The following SCARB1 variants were observed in gnomAD, a reference collection of about 807,000 sequenced individuals.
SCARB1 encodes the protein scavenger receptor class B member 1, also known as CD36 and LIMPII analogous 1.
A neutral mutation model predicts 57.2 loss-of-function variants in SCARB1; 30 were observed. That is an observed-to-expected ratio of 0.52 (90% confidence interval 0.39 to 0.71). The LOEUF is 0.71. SCARB1 is among the 30% of genes least tolerant of loss of function. The pLI, the probability that SCARB1 is intolerant of heterozygous loss-of-function variation, is 0.00. For missense variants in SCARB1, 543 were observed against 671.2 expected, an observed-to-expected ratio of 0.81 and a Z score of 2.11; for synonymous variants, 249 against 268.3, an observed-to-expected ratio of 0.93 and a Z score of 0.70.
rs770332559 is a variant in SCARB1 at position 124,814,404 on chromosome 12, C to T, written c.428G>A (p.Gly143Asp). The change falls in exon 4 of 13, where the codon GGT (glycine) becomes GAT (aspartate). Residue 143 changes from glycine to aspartate, a missense_variant and splice_region_variant. By Grantham distance (94) the Gly-to-Asp change is moderately conservative. Coordinates refer to ENST00000261693, the MANE Select transcript of SCARB1 (RefSeq NM_005505.5). The surrounding 1 kb of genome is among the most constrained non-coding windows in gnomAD (Gnocchi z 4.7). ...YIVMPNILVL[G>D]AAVMMENKPM... ...CTTATTCTCCATCATCACCGCCGCA[C>T]CCTGCAAGGCGAAGGGACACTAGTG... 4.3e-6 allele frequency: 7 copies of T among 1,613,122 alleles called. No homozygotes were observed. Among genetic ancestry groups the T allele is most frequent in the Non-Finnish European group, 5.9e-6 (7 of 1,180,016 alleles).
intron 1 of SCARB1, chr12:124,821,438 C>G: frequency 1.0e-6 from 1 of 985,226 alleles, no homozygotes; most frequent in Non-Finnish European, 1.2e-6. Context: ...CAGGGCTAAA[C>G]CAAGAAGTCA....
chr12:124,843,293 G>GGT (rs1555265354), intron 1 of SCARB1, among the ~76,000 whole-genome samples: 1 of 120,920 alleles, frequency 8.3e-6, no homozygotes, highest in African/African-American at 2.7e-5. Context: ...GTGGAGATGG[G>GGT]GGGGGGGGTC....
At chr12:124,845,596 T>C (rs1024663954) in intron 1 of SCARB1, among the ~76,000 whole-genome samples, 2 of 147,412 alleles carry the variant, frequency 1.4e-5, no homozygotes, top group African/African-American at 2.5e-5. Flanking sequence ...TCCCAGCTAC[T>C]GGGGAGGCTG....
At position 124,863,577 on chromosome 12, in the gene SCARB1, G is replaced by A. The variant is rs1290026558; in HGVS notation, c.126+18C>T. 5 of 1,599,878 alleles carry A rather than the reference G, an allele frequency of 3.1e-6. No homozygotes were observed. The highest frequency in any genetic ancestry group is 3.4e-6 in the Non-Finnish European group (4 of 1,173,386). On this transcript the variant is annotated intron_variant, in intron 1 of 12. Transcript: ENST00000261693. ...GCCCGGGTCCGTGCGCGGACCCCCT[G>A]GGGTCTCCCTCACCCACCTTAAGGA...
intron 2 of SCARB1, among the ~76,000 whole-genome samples, chr12:124,815,966 C>T (rs1357605337): frequency 6.6e-6 from 1 of 152,192 alleles, no homozygotes; most frequent in African/African-American, 2.4e-5. Context: ...AGGCCCTCAG[C>T]AAGGCTCAGG....
chr12:124,782,531 G>T, intron 12 of SCARB1, 152 bp downstream of exon 12: 1 of 804,100 alleles, frequency 1.2e-6, no homozygotes, highest in Non-Finnish European at 2.0e-6. Context: ...TTCTCCAAAA[G>T]CAAAATACAC....
chr12:124,808,070 C>T (rs1594256335), intron 6 of SCARB1, 143 bp from the exon 7 acceptor site: 2 of 778,876 alleles, frequency 2.6e-6, no homozygotes, highest in Non-Finnish European at 2.2e-6. Flanking sequence ...CTCTCACCCG[C>T]GGAGCTGCAG....
At chr12:124,790,008 T>TGAAAAAAAAAAA (rs1949666241) in intron 9 of SCARB1, among the ~76,000 whole-genome samples, 1 of 102,372 alleles carries the variant, frequency 9.8e-6, no homozygotes, top group African/African-American at 7.2e-5. Flanking sequence ...AGACTCCGTC[T>TGAAAAAAAAAAA]CAAAAAAAAA....
At chr12:124,861,437 G>A (rs1324250623) in intron 1 of SCARB1, among the ~76,000 whole-genome samples, 3 of 151,890 alleles carry the variant, frequency 2.0e-5, no homozygotes, top group Non-Finnish European at 4.4e-5. Flanking sequence ...GACACAGAGG[G>A]CCAACTGTAG....
intron 1 of SCARB1, chr12:124,821,564 CT>C (rs1950958972): frequency 1.0e-6 from 1 of 985,168 alleles, no homozygotes; most frequent in Admixed American, 6.1e-5. Context: ...CAAAGGGAAT[CT>C]TCAGAGACCC....
intron 1 of SCARB1, chr12:124,821,381 A>G: frequency 1.0e-6 from 1 of 985,260 alleles, no homozygotes; most frequent in Non-Finnish European, 1.2e-6. Context: ...GAATCTCACC[A>G]TGCTTTCCTC....
intron 11 of SCARB1, chr12:124,785,059 C>T (rs1301751180): frequency 1.3e-5 from 2 of 152,358 alleles, no homozygotes; most frequent in Non-Finnish European, 2.9e-5. Context: ...TTCTGGAGGT[C>T]TGAAGCCCAG....
intron 1 of SCARB1, among the ~76,000 whole-genome samples, chr12:124,825,169 G>A (rs1951093496): frequency 7.0e-6 from 1 of 143,492 alleles, no homozygotes; most frequent in African/African-American, 2.6e-5. Flanking sequence ...AGGTTGCAGC[G>A]AGCCAAAATT....
chr12:124,860,663 C>T (rs575804239), intron 1 of SCARB1, among the ~76,000 whole-genome samples: 2 of 152,224 alleles, frequency 1.3e-5, no homozygotes, highest in South Asian at 2.1e-4. Context: ...GCTCCCAAGG[C>T]CCCACTTCTA....
intron 1 of SCARB1, among the ~76,000 whole-genome samples, chr12:124,842,251 C>T (rs1266193867): frequency 6.6e-6 from 1 of 152,242 alleles, no homozygotes; most frequent in Non-Finnish European, 1.5e-5. Context: ...CTGGCCCAGG[C>T]AGTCACCTGT....
intron 1 of SCARB1, among the ~76,000 whole-genome samples, chr12:124,851,602 G>A (rs1181671349): frequency 6.7e-6 from 1 of 149,506 alleles, no homozygotes; most frequent in Non-Finnish European, 1.5e-5. Flanking sequence ...AAACATAAAG[G>A]ATTCCATTTT....
At chr12:124,862,057 C>G (rs753759772) in intron 1 of SCARB1, among the ~76,000 whole-genome samples, 20 of 152,190 alleles carry the variant, frequency 1.3e-4, no homozygotes, top group Non-Finnish European at 2.8e-4. Flanking sequence ...CATGCTTGAA[C>G]TGCCTGAGTG....
In SCARB1 at chr12:124,814,603, G is replaced by A. The variant is rs1231974624; in HGVS notation, c.427-198C>T. Among the ~76,000 whole-genome samples the A allele has an allele frequency of 1.3e-5, 2 of 152,096 alleles. No individual in the cohort carries two copies. The highest frequency in any genetic ancestry group is 6.5e-5 in the Admixed American group (1 of 15,276). On this transcript the variant is annotated intron_variant, in intron 3 of 12. Transcript: ENST00000261693. This position sits in a 1 kb window ranked among gnomAD's most constrained non-coding sequence, Gnocchi z 4.7. ...CAGTGCCAAGGCCACATGTGCTCCC[G>A]AGAACCCCTTCTCCCCCTTGCACCC...
At chr12:124,815,278 T>C (rs538844338) in intron 2 of SCARB1, among the ~76,000 whole-genome samples, 164 bp from the exon 3 acceptor site, 43 of 152,216 alleles carry the variant, frequency 2.8e-4, no homozygotes, top group African/African-American at 9.9e-4. Flanking sequence ...AGTCTGTCCC[T>C]CCCGCCGCCT....
Sources: allele counts gnomAD v4.1 joint callset (sites outside exome capture counted in the v4.1 genomes callset), GRCh38; gene constraint gnomAD v4.1.1; non-coding constraint Gnocchi (gnomAD v3.1); transcripts MANE v1.5; gene names NCBI Gene and HGNC (gene_info 2026-07-23, HGNC 2026-07-21).